DLGAP4: variants seen among roughly 807,000 people sequenced by gnomAD.
DLGAP4 encodes disks large-associated protein 4.
Under a neutral mutation model 86.9 loss-of-function variants are expected in DLGAP4, and 18 were observed. That is an observed-to-expected ratio of 0.21 (90% confidence interval 0.14 to 0.31). DLGAP4 has a LOEUF of 0.31. DLGAP4 is among the 10% of genes least tolerant of loss of function. The pLI, the probability that DLGAP4 is intolerant of heterozygous loss-of-function variation, is 1.00. For synonymous variants in DLGAP4, 548 were observed against 574.3 expected, an observed-to-expected ratio of 0.95 and a Z score of 0.65; for missense variants, 1,085 against 1,362.6, an observed-to-expected ratio of 0.80 and a Z score of 3.21.
At chr20:36,497,365 C>A in intron 8 of DLGAP4, 2 of 1,247,272 alleles carry the variant, frequency 1.6e-6, no homozygotes, top group Admixed American at 3.8e-5. Context: ...TGCCTGTCCA[C>A]TGTCTGTCTG....
intron 2 of DLGAP4, among the ~76,000 whole-genome samples, chr20:36,383,287 A>G (rs949490266): frequency 1.3e-5 from 2 of 152,216 alleles, no homozygotes; most frequent in Non-Finnish European, 2.9e-5. Flanking sequence ...AAATAAATCT[A>G]GCCCTCATCA....
chr20:36,353,163 G>C (rs987567068), intron 1 of DLGAP4, among the ~76,000 whole-genome samples: 2 of 152,184 alleles, frequency 1.3e-5, no homozygotes, highest in South Asian at 2.1e-4. Flanking sequence ...GTGGCCAGGG[G>C]TACCCGACGA....
At chr20:36,461,414 C>CGGGGAGGGGCG in intron 7 of DLGAP4, 1 of 955,408 alleles carries the variant, frequency 1.0e-6, no homozygotes, top group Non-Finnish European at 1.2e-6. Flanking sequence ...ACGCGGGGGG[C>CGGGGAGGGGCG]GGGGAGGGGC....
At chr20:36,376,274 TC>T (rs2031150385) in intron 2 of DLGAP4, among the ~76,000 whole-genome samples, 1 of 151,974 alleles carries the variant, frequency 6.6e-6, no homozygotes, top group South Asian at 2.1e-4. Flanking sequence ...GGTCAGTAGT[TC>T]AGTGGCCAAC....
chr20:36,409,274 A>G (rs907157695), intron 2 of DLGAP4, among the ~76,000 whole-genome samples: 1 of 151,414 alleles, frequency 6.6e-6, no homozygotes, highest in East Asian at 1.9e-4. Flanking sequence ...TTGGTCTTCA[A>G]CTCCTGGCCT....
intron 3 of DLGAP4, 96 bp from the exon 4 acceptor site, chr20:36,436,013 C>G: frequency 1.4e-6 from 2 of 1,421,316 alleles, no homozygotes; most frequent in Non-Finnish European, 1.8e-6. Context: ...CCGAATTCTG[C>G]AGGGAACGAG....
intron 8 of DLGAP4, 139 bp from the exon 9 acceptor site, chr20:36,499,449 T>C (rs2036036813): frequency 3.0e-6 from 4 of 1,350,760 alleles, no homozygotes; most frequent in Non-Finnish European, 4.1e-6. Context: ...CCACGTGCAG[T>C]GTCCGCATGC....
At position 36,526,191 on chromosome 20, in the gene DLGAP4, A is replaced by T. The variant is rs569986007; in HGVS notation, c.2760+185A>T. The T allele has an allele frequency of 9.2e-5, 74 of 807,088 alleles. 1 individual carries two copies. The highest frequency in any genetic ancestry group is 8.7e-4 in the Admixed American group (39 of 44,582). 50.0% of individuals were successfully genotyped at this position (807,088 alleles called of 1,614,324 possible). A position where few individuals can be genotyped will look rare whatever the true frequency, so the allele number is the denominator to read the frequency against. ...GTCTGGCATGCCGCTTGCTCCGTGT[A>T]GTTGAGGCTGCCCCTGAAGCATGTG... On this transcript the variant is annotated intron_variant, in intron 12 of 12. Transcript: ENST00000339266.
chr20:36,476,052 T>C (rs1318505838), intron 7 of DLGAP4, among the ~76,000 whole-genome samples: 1 of 151,886 alleles, frequency 6.6e-6, no homozygotes, highest in African/African-American at 2.4e-5. Context: ...AGAGACAGGG[T>C]TTCACCATGT....
chr20:36,382,527 C>CTTTTTTTTTTTTTTTTTTTTT (rs749210064), intron 2 of DLGAP4, among the ~76,000 whole-genome samples: 15 of 110,470 alleles, frequency 1.4e-4, no homozygotes, highest in South Asian at 3.2e-4. Context: ...TTCTTTTTTT[C>CTTTTTTTTTTTTTTTTTTTTT]TTTTTTTTTT....
intron 7 of DLGAP4, among the ~76,000 whole-genome samples, chr20:36,454,057 G>A (rs1432334242): frequency 2.6e-5 from 4 of 151,856 alleles, no homozygotes; most frequent in Non-Finnish European, 5.9e-5. Context: ...GATCACCTGA[G>A]GTCAGGAGTT....
chr20:36,525,237 A>G (rs2037652546), intron 11 of DLGAP4, among the ~76,000 whole-genome samples: 1 of 130,652 alleles, frequency 7.7e-6, no homozygotes, highest in Admixed American at 7.5e-5. Context: ...AAAAAAAAAA[A>G]AAAAAAAAAA....
At chr20:36,465,681 C>G (rs1005022532) in intron 7 of DLGAP4, among the ~76,000 whole-genome samples, 4 of 152,126 alleles carry the variant, frequency 2.6e-5, no homozygotes, top group Non-Finnish European at 4.4e-5. Flanking sequence ...TGAGCAGCAA[C>G]CAGACACACC....
rs1381690746 is a variant in DLGAP4 at position 36,500,983 on chromosome 20, T to C, written c.2512+372T>C. Among the ~76,000 whole-genome samples the C allele has an allele frequency of 6.6e-6, 1 of 152,064 alleles. No homozygotes were observed. Among genetic ancestry groups the C allele is most frequent in the Admixed American group, 6.6e-5 (1 of 15,260 alleles). ...TCACTATATGAGCATGTTGTAAGGA[T>C]TGAATGTGGTCGTGCATGTGAAGGG... On this transcript the variant is annotated intron_variant, in intron 10 of 12. Coordinates refer to ENST00000339266, the MANE Select transcript of DLGAP4 (RefSeq NM_001365621.2). The surrounding 1 kb of genome is among the most constrained non-coding windows in gnomAD (Gnocchi z 4.6).
intron 2 of DLGAP4, among the ~76,000 whole-genome samples, chr20:36,371,301 T>C (rs2030923163): frequency 6.6e-6 from 1 of 152,158 alleles, no homozygotes; most frequent in South Asian, 2.1e-4. Flanking sequence ...TCCAAGGACA[T>C]CTCTTGAGTC....
At chr20:36,395,990 C>CA (rs1220006504) in intron 2 of DLGAP4, among the ~76,000 whole-genome samples, 12 of 152,098 alleles carry the variant, frequency 7.9e-5, no homozygotes, top group Admixed American at 2.0e-4. Flanking sequence ...GATTGAGGCC[C>CA]AGGCCTGCCT....
At chr20:36,519,293 A>G (rs977111044) in intron 10 of DLGAP4, among the ~76,000 whole-genome samples, 2 of 152,030 alleles carry the variant, frequency 1.3e-5, no homozygotes, top group African/African-American at 4.8e-5. Context: ...AACAAAACAC[A>G]TGATCTGTAT....
In DLGAP4 at chr20:36,446,880, C is replaced by A; in HGVS notation, c.1591C>A (p.Gln531Lys). 6.2e-7 allele frequency: 1 copy of A among 1,613,374 alleles called. No homozygotes were observed. The highest frequency in any genetic ancestry group is 1.1e-5 in the South Asian group (1 of 91,054). Residue 531 changes from glutamine to lysine, a missense_variant, in exon 7 of 13, where the codon CAG (glutamine) becomes AAG (lysine). Physicochemically the swap from Gln to Lys is moderately conservative, Grantham distance 53. Around this residue, in one of 2 missense-constraint regions of DLGAP4, gnomAD observed 1,082 missense variants for 1,344.1 expected, o/e 0.81. Coordinates refer to ENST00000339266, the MANE Select transcript of DLGAP4 (RefSeq NM_001365621.2). ...GCAGGAGGAGGACAGTGTCTCCCTG[C>A]AGTCCCTCTCCCCACCGCCCAGTAC... The part of the protein sequence containing the change: ...CSQEEDSVSL[Q>K]SLSPPPSTGS...
chr20:36,352,807 G>T (rs2030202872), intron 1 of DLGAP4, among the ~76,000 whole-genome samples: 1 of 152,116 alleles, frequency 6.6e-6, no homozygotes, highest in South Asian at 2.1e-4. Context: ...GGGAGTGAGA[G>T]CTGGGGTCTC....
Sources: allele counts gnomAD v4.1 joint callset (sites outside exome capture counted in the v4.1 genomes callset), GRCh38; gene constraint gnomAD v4.1.1; regional missense constraint gnomAD v4.1.1; non-coding constraint Gnocchi (gnomAD v3.1); transcripts MANE v1.5; gene names NCBI Gene and HGNC (gene_info 2026-07-23, HGNC 2026-07-21).